BCR: variants seen among roughly 807,000 people sequenced by gnomAD.
BCR encodes BCR activator of RhoGEF and GTPase.
Under a neutral mutation model 138.6 loss-of-function variants are expected in BCR, and 58 were observed. The ratio of observed to expected loss-of-function variants is 0.42; its 90% CI spans 0.34 to 0.52. BCR has a LOEUF of 0.52. BCR is among the 20% of genes least tolerant of loss of function. BCR has a pLI of 0.06. For synonymous variants in BCR, 786 were observed against 730.1 expected (o/e 1.08, Z -1.23); for missense variants, 1,599 against 1,727.2 (o/e 0.93, Z 1.32).
chr22:23,227,716 C>T (rs914619994), intron 1 of BCR, among the ~76,000 whole-genome samples: 8 of 152,242 alleles, frequency 5.3e-5, no homozygotes, highest in Non-Finnish European at 8.8e-5. Context: ...ATAGTACTGC[C>T]AGTGCTGCAC....
intron 8 of BCR, among the ~76,000 whole-genome samples, chr22:23,277,028 G>A (rs548857429): frequency 2.2e-4 from 33 of 152,338 alleles, no homozygotes; most frequent in African/African-American, 6.5e-4. Flanking sequence ...CATCTGTGTC[G>A]GAGGTGACGG....
intron 3 of BCR, 37 bp downstream of exon 3, chr22:23,261,091 G>A: frequency 6.3e-7 from 1 of 1,590,512 alleles, no homozygotes; most frequent in Non-Finnish European, 8.6e-7. Context: ...GGGCGGGATG[G>A]GGCAGGGTGA....
chr22:23,222,463 A>G (rs2072836589), intron 1 of BCR, among the ~76,000 whole-genome samples: 1 of 152,282 alleles, frequency 6.6e-6, no homozygotes, highest in African/African-American at 2.4e-5. Flanking sequence ...TGTCAGATAA[A>G]TTGCACAAGT....
chr22:23,239,665 C>G (rs757119030), intron 1 of BCR, among the ~76,000 whole-genome samples: 3 of 152,172 alleles, frequency 2.0e-5, no homozygotes, highest in Non-Finnish European at 4.4e-5. Context: ...CTGTGCAGCC[C>G]AAATCATAGA....
intron 12 of BCR, among the ~76,000 whole-genome samples, chr22:23,288,525 T>G (rs2073744880): frequency 7.9e-6 from 1 of 126,634 alleles, no homozygotes; most frequent in Non-Finnish European, 1.7e-5. Context: ...ACCCCCGGCC[T>G]GCCCCCTAGT....
Position 23,197,877 on chromosome 22 carries a change from G to A in BCR, c.1279+15638G>A, listed in dbSNP as rs2072501671. Among the ~76,000 whole-genome samples the A allele has an allele frequency of 2.0e-5, 3 of 152,180 alleles. No homozygotes were observed. In the South Asian group the frequency reaches 6.2e-4, roughly 32 times the overall value. On this transcript the variant is annotated intron_variant, in intron 1 of 22. Transcript: ENST00000305877. Reference sequence around the variant, plus strand: ...GGAATATGAGCTGATTCTGGGGAGGGGGTGACAGAAAGGGAGGCTGTATGA... The same window carrying A: ...GGAATATGAGCTGATTCTGGGGAGGAGGTGACAGAAAGGGAGGCTGTATGA...
In BCR at chr22:23,312,904, G is replaced by A; in HGVS notation, c.3340G>A (p.Val1114Met). The change falls in exon 20 of 23, where the codon GTG becomes ATG. Residue 1114 changes from valine (V) to methionine (M), a missense_variant. This residue lies in a region of BCR where 177 missense variants were observed against 226.4 expected (regional missense o/e 0.78). Transcript: ENST00000305877. ...CTTTCCAGATAACAAGGACGTGTCGGTGATGATGAGCGAGATGGACGTGAA... is the reference window on the plus strand; with the variant it reads ...CTTTCCAGATAACAAGGACGTGTCGATGATGATGAGCGAGATGGACGTGAA... The part of the protein sequence containing the change: ...AFDVNNKDVS[V>M]MMSEMDVNAI... 1 of 1,596,196 alleles carries A rather than the reference G, an allele frequency of 6.3e-7. No homozygotes were observed. The highest frequency in any genetic ancestry group is 1.1e-5 in the South Asian group (1 of 90,934).
chr22:23,260,155 C>T (rs5759666), intron 2 of BCR, among the ~76,000 whole-genome samples: 45,406 of 151,996 alleles, frequency 0.3, 7,323 homozygotes, highest in Middle Eastern at 0.42. Flanking sequence ...AAGGTGGCCT[C>T]CCAGGGGCAT....
chr22:23,209,082 G>A (rs535625013), intron 1 of BCR, among the ~76,000 whole-genome samples: 3 of 151,750 alleles, frequency 2.0e-5, no homozygotes, highest in East Asian at 2.0e-4. Flanking sequence ...TCTTTTAGCC[G>A]GGCGCGGTGG....
rs561145504 is a variant in BCR at position 23,299,832 on chromosome 22, G to A, written c.3012+4677G>A. 2.2e-4 allele frequency among the ~76,000 whole-genome samples: 34 copies of A among 152,162 alleles called. No homozygotes were observed. The South Asian group carries it at 6.6e-3, about 30-fold the overall frequency. ...TGAAGTTCCCAGGGGTGGCTGGGGCGGGAGCCAGCCAAGCCTGGGGCTTCT... is the reference window on the plus strand; with the variant it reads ...TGAAGTTCCCAGGGGTGGCTGGGGCAGGAGCCAGCCAAGCCTGGGGCTTCT... On this transcript the variant is annotated intron_variant, in intron 16 of 22. Coordinates refer to ENST00000305877, the MANE Select transcript of BCR (RefSeq NM_004327.4).
intron 1 of BCR, among the ~76,000 whole-genome samples, chr22:23,196,803 T>C (rs917535324): frequency 1.3e-5 from 2 of 152,122 alleles, no homozygotes; most frequent in African/African-American, 2.4e-5. Flanking sequence ...GCTTAGGCAG[T>C]AATGGAGCAA....
chr22:23,263,719 G>C (rs1602079239), intron 4 of BCR: 3 of 1,407,028 alleles, frequency 2.1e-6, no homozygotes, highest in Non-Finnish European at 3.0e-6. Context: ...CTGGGCTCAT[G>C]AACAGGAGGT....
chr22:23,315,734 G>A lies in BCR; in HGVS notation c.*212G>A. The A allele has an allele frequency of 6.2e-6, 4 of 649,276 alleles. No individual in the cohort carries two copies. The highest frequency in any genetic ancestry group is 1.1e-5 in the Non-Finnish European group (4 of 353,702). The allele number at this position is 649,276 out of a possible 1,614,324, so 40.2% of individuals were successfully genotyped here. On this transcript the variant is annotated 3_prime_UTR_variant, in exon 23 of 23. Transcript: ENST00000305877. ...AGCCCCAGGCTGGCCTCAGACTGTG[G>A]TTTTTTATGTGGCCACCTGAGGGCG...
intron 1 of BCR, among the ~76,000 whole-genome samples, chr22:23,222,915 A>T (rs1315800111): frequency 6.6e-6 from 1 of 152,156 alleles, no homozygotes; most frequent in African/African-American, 2.4e-5. Context: ...TAGTGCGCAC[A>T]GTTCTGGATT....
intron 6 of BCR, among the ~76,000 whole-genome samples, chr22:23,271,960 G>A (rs138868269): frequency 4.3e-4 from 66 of 151,984 alleles, no homozygotes; most frequent in African/African-American, 1.5e-3. Flanking sequence ...CGAGTAGCTG[G>A]GATTACAGGC....
intron 1 of BCR, among the ~76,000 whole-genome samples, chr22:23,246,288 C>T (rs115663923): frequency 1.3e-5 from 2 of 152,236 alleles, no homozygotes; most frequent in East Asian, 3.9e-4. Context: ...ATTATTTTAG[C>T]TGGACATAAT....
At chr22:23,309,970 A>G (rs1437576281) in intron 17 of BCR, 8 of 384,538 alleles carry the variant, frequency 2.1e-5, no homozygotes, top group African/African-American at 1.2e-4. Flanking sequence ...CAGTGCACCT[A>G]TAGTCTCAGC....
chr22:23,207,913 C>T (rs1338379092), intron 1 of BCR, among the ~76,000 whole-genome samples: 1 of 152,190 alleles, frequency 6.6e-6, no homozygotes, highest in Admixed American at 6.5e-5. Flanking sequence ...CCCTACACCC[C>T]GTGTGTGCCT....
intron 1 of BCR, among the ~76,000 whole-genome samples, chr22:23,232,071 C>A (rs1205419936): frequency 4.6e-5 from 7 of 152,226 alleles, no homozygotes; most frequent in Non-Finnish European, 8.8e-5. Flanking sequence ...TTAGTGTGAT[C>A]CTCTAATTTT....
Sources: allele counts gnomAD v4.1 joint callset (sites outside exome capture counted in the v4.1 genomes callset), GRCh38; gene constraint gnomAD v4.1.1; regional missense constraint gnomAD v4.1.1; transcripts MANE v1.5; gene names NCBI Gene and HGNC (gene_info 2026-07-23, HGNC 2026-07-21).